Variants in NSD2 observed in about 807,000 individuals in gnomAD.
NSD2 encodes the protein nuclear receptor binding SET domain protein 2.
NSD2 carries 12 observed loss-of-function variants against 139.0 expected under a neutral mutation model. The ratio of observed to expected loss-of-function variants is 0.09; its 90% confidence interval spans 0.06 to 0.14. The LOEUF (loss-of-function observed/expected upper bound fraction) is 0.14. NSD2 is among the 10% of genes least tolerant of loss of function. The pLI is 1.00. For missense variants in NSD2, 1,155 were observed against 1,745.0 expected (o/e 0.66, Z 6.02); for synonymous variants, 669 against 648.7 (o/e 1.03, Z -0.48).
intron 5 of NSD2, among the ~76,000 whole-genome samples, chr4:1,920,138 G>A (rs879375166): frequency 1.1e-4 from 16 of 152,150 alleles, no homozygotes; most frequent in Non-Finnish European, 1.9e-4. Flanking sequence ...TTCTGCCAGA[G>A]AAAGGCATTT....
At chr4:1,932,740 C>T (rs912968473) in intron 6 of NSD2, among the ~76,000 whole-genome samples, 3 of 152,114 alleles carry the variant, frequency 2.0e-5, no homozygotes, top group Non-Finnish European at 2.9e-5. Flanking sequence ...CCAACAGGAG[C>T]GAAACTCCAT....
intron 18 of NSD2, 42 bp downstream of exon 18, chr4:1,961,193 C>T: frequency 6.6e-7 from 1 of 1,511,088 alleles, no homozygotes; most frequent in Admixed American, 1.7e-5. Flanking sequence ...GTGTGCTGGA[C>T]CTGGAGCCCT....
At position 1,952,857 on chromosome 4, in the gene NSD2, G is replaced by T. The variant is rs192128174; in HGVS notation, c.2138-467G>T. On this transcript the variant is annotated intron_variant, in intron 11 of 21. Coordinates refer to ENST00000508803, the MANE Select transcript of NSD2 (RefSeq NM_001042424.3). The stretch of plus-strand genomic sequence containing the variant: ...GGGCCCAAGGAGTCTCCTATCTCAC[G>T]TCAGAACACTTCCTGGGTCAGGAAG... The T allele has an allele frequency of 4.0e-5, 52 of 1,299,946 alleles. No homozygotes were observed. The African/African-American group carries it at 6.9e-4, about 17-fold the overall frequency. The allele number at this position is 1,299,946 out of a possible 1,614,324, so 80.5% of individuals were successfully genotyped here. A position where few individuals can be genotyped will look rare whatever the true frequency, so the allele number is the denominator to read the frequency against.
intron 11 of NSD2, chr4:1,952,959 G>A: frequency 7.0e-7 from 1 of 1,430,808 alleles, no homozygotes; most frequent in Non-Finnish European, 9.1e-7. Context: ...TGCCTGCCCA[G>A]AATGATAAGT....
intron 1 of NSD2, among the ~76,000 whole-genome samples, chr4:1,873,256 G>A (rs1246933072): frequency 6.6e-6 from 1 of 152,190 alleles, no homozygotes; most frequent in Non-Finnish European, 1.5e-5. Context: ...GTCCTCTCCT[G>A]ACTGCATTAA....
In NSD2 at chr4:1,901,004, T is replaced by A; in HGVS notation, c.350T>A (p.Ile117Asn). The change falls in exon 2 of 22, where the codon ATC becomes AAC. Residue 117 changes from isoleucine (I) to asparagine (N), a missense_variant. Ile to Asn is a moderately radical substitution (Grantham distance 149). This residue lies in a region of NSD2 where 246 missense variants were observed against 262.8 expected (regional missense o/e 0.94). Coordinates refer to ENST00000508803, the MANE Select transcript of NSD2 (RefSeq NM_001042424.3). ...GGGACACCCCCTAACACTACCCCTATCAAAAATGGCTCTCCAGAAATTAAG... is the reference window on the plus strand; with the variant it reads ...GGGACACCCCCTAACACTACCCCTAACAAAAATGGCTCTCCAGAAATTAAG... ...GIGTPPNTTP[I>N]KNGSPEIKLK... 6.2e-7 allele frequency: 1 copy of A among 1,614,060 alleles called. No individual in the cohort carries two copies. Among genetic ancestry groups the A allele is most frequent in the East Asian group, 2.2e-5 (1 of 44,876 alleles).
rs1722886774 is a variant in NSD2, at chr4:1,939,756, C to T, written c.1859C>T (p.Ser620Phe). 3 of 1,614,098 alleles carry T rather than the reference C, an allele frequency of 1.9e-6. No individual in the cohort carries two copies. The highest frequency in any genetic ancestry group is 2.7e-5 in the African/African-American group (2 of 74,928). ...GGGTTTAGCAAAAGTTCATCTCCTT[C>T]TGCATCCTTAACTGAGAATGAGGTA... ...ALGFSKSSSP[S>F]ASLTENEVSD... Residue 620 changes from serine (S) to phenylalanine (F), a missense_variant, in exon 9 of 22, where the codon TCT (serine) becomes TTT (phenylalanine). Transcript: ENST00000508803.
At chr4:1,949,688 C>T (rs1328367886) in intron 9 of NSD2, among the ~76,000 whole-genome samples, 2 of 151,082 alleles carry the variant, frequency 1.3e-5, no homozygotes, top group Non-Finnish European at 2.9e-5. Flanking sequence ...CACTTGAACC[C>T]AGGAGGCGGA....
chr4:1,884,220 C>T lies in NSD2; in HGVS notation c.-30+12678C>T, dbSNP rs180776397. ...AAGCCATCCTCCCACCTCAGCCTCC[C>T]AAGTAGCTGGGACTATGGGTGCATG... is the stretch of plus-strand genomic sequence containing the variant. On this transcript the variant is annotated intron_variant, in intron 1 of 21. Coordinates refer to ENST00000508803, the MANE Select transcript of NSD2 (RefSeq NM_001042424.3). Among the ~76,000 whole-genome samples the T allele has an allele frequency of 1.2e-3, 180 of 151,894 alleles. 1 individual carries two copies. Among genetic ancestry groups the T allele is most frequent in the African/African-American group, 4.1e-3 (170 of 41,388 alleles).
Position 1,948,886 on chromosome 4 carries a change from T to G in NSD2, c.1882-2186T>G. On this transcript the variant is annotated intron_variant, in intron 9 of 21. Transcript: ENST00000508803. This position sits in a 1 kb window ranked among gnomAD's most constrained non-coding sequence, Gnocchi z 4.5. ...TTTTTTTCTCATTTTTAAAGCTTTT[T>G]AAGTTTGTTCCACCACGTTAAGGGA... 5.7e-6 allele frequency: 5 copies of G among 870,052 alleles called. No individual in the cohort carries two copies. The highest frequency in any genetic ancestry group is 7.0e-6 in the Non-Finnish European group (5 of 716,110). The allele number at this position is 870,052 out of a possible 1,614,324, so 53.9% of individuals were successfully genotyped here. A position where few individuals can be genotyped will look rare whatever the true frequency, so the allele number is the denominator to read the frequency against.
chr4:1,950,950 A>G, intron 9 of NSD2, 122 bp from the exon 10 acceptor site: 1 of 1,300,186 alleles, frequency 7.7e-7, no homozygotes, highest in South Asian at 1.3e-5. Context: ...CTGGCGGTAC[A>G]GGACCAGTGC....
chr4:1,952,022 G>A (rs968269119), intron 10 of NSD2, 86 bp from the exon 11 acceptor site: 13 of 1,534,718 alleles, frequency 8.5e-6, no homozygotes, highest in Non-Finnish European at 1.1e-5. Context: ...TCTGCCACTG[G>A]AGACAGAAGC....
At chr4:1,882,842 A>C (rs977549826) in intron 1 of NSD2, among the ~76,000 whole-genome samples, 3 of 152,174 alleles carry the variant, frequency 2.0e-5, no homozygotes, top group African/African-American at 4.8e-5. Context: ...GACCTACTGC[A>C]TCATGAACTC....
chr4:1,947,566 C>T, intron 9 of NSD2: 2 of 1,052,948 alleles, frequency 1.9e-6, no homozygotes, highest in Non-Finnish European at 2.3e-6. Flanking sequence ...TGATGAGTGA[C>T]TTATTTTAAT....
intron 5 of NSD2, among the ~76,000 whole-genome samples, chr4:1,927,180 C>T (rs1370717048): frequency 6.6e-6 from 1 of 152,220 alleles, no homozygotes; most frequent in African/African-American, 2.4e-5. Flanking sequence ...GTCCTCACAA[C>T]ATGATGGGGG....
At chr4:1,970,124 C>T (rs1165974266) in intron 18 of NSD2, among the ~76,000 whole-genome samples, 1 of 152,190 alleles carries the variant, frequency 6.6e-6, no homozygotes, top group African/African-American at 2.4e-5. Flanking sequence ...TGCATTCAAG[C>T]AGGCCAGAGG....
intron 1 of NSD2, among the ~76,000 whole-genome samples, chr4:1,880,239 C>G (rs1201502106): frequency 1.3e-5 from 2 of 152,054 alleles, no homozygotes; most frequent in African/African-American, 4.8e-5. Flanking sequence ...ATCCTCACAG[C>G]AGGAAATTGA....
rs1248296225 is a variant in NSD2, at chr4:1,953,487, C to T, written c.2301C>T (p.Cys767=). 2.5e-6 allele frequency: 4 copies of T among 1,613,688 alleles called. No homozygotes were observed. The South Asian group carries it at 4.4e-5, about 18-fold the overall frequency. ...GCCCCCTCCACAGCTGTGTGAGCTG[C>T]CATGCTTCCAACCCTTCAAACCCAA... ...FRCPLHSCVS[C]HASNPSNPRP... is the part of the protein sequence containing the mutation. Residue 767 remains cysteine (C), a synonymous_variant, in exon 12 of 22, where the codon TGC becomes TGT. Coordinates refer to ENST00000508803, the MANE Select transcript of NSD2 (RefSeq NM_001042424.3).
At position 1,974,215 on chromosome 4, in the gene NSD2, C is replaced by CTT. The variant is rs112710017; in HGVS notation, c.3373-637_3373-636dup. ...TTTGCTGGTTTTCGGTTGGGTGAGT[C>CTT]TTTTTTTTTTTTGAGACGGAGTTTT... On this transcript the variant is annotated intron_variant, in intron 18 of 21. Coordinates refer to ENST00000508803, the MANE Select transcript of NSD2 (RefSeq NM_001042424.3). The surrounding 1 kb of genome is among the most constrained non-coding windows in gnomAD (Gnocchi z 4.0). 6.9e-6 allele frequency among the ~76,000 whole-genome samples: 1 copy of CTT among 144,898 alleles called. No homozygotes were observed. The highest frequency in any genetic ancestry group is 2.5e-5 in the African/African-American group (1 of 39,756).
Sources: allele counts gnomAD v4.1 joint callset (sites outside exome capture counted in the v4.1 genomes callset), GRCh38; gene constraint gnomAD v4.1.1; regional missense constraint gnomAD v4.1.1; non-coding constraint Gnocchi (gnomAD v3.1); transcripts MANE v1.5; gene names NCBI Gene and HGNC (gene_info 2026-07-23, HGNC 2026-07-21).